FAM107B: variants seen among roughly 807,000 people sequenced by gnomAD.
The protein encoded by FAM107B is family with sequence similarity 107 member B, also known as protein FAM107B.
In FAM107B, 21 loss-of-function variants were observed where a neutral mutation model predicts 31.5. That is an observed-to-expected ratio of 0.67 (90% confidence interval 0.47 to 0.96). The LOEUF is 0.96. FAM107B is among the 40% of genes least tolerant of loss of function. The probability of loss-of-function intolerance (pLI) is 0.00; values close to 1 mark genes in which losing one functional copy is unlikely to be tolerated. For missense variants in FAM107B, 452 were observed against 377.1 expected (o/e 1.20, Z -1.64); for synonymous variants, 157 against 141.5 (o/e 1.11, Z -0.78).
rs562408048 is a variant in FAM107B at position 14,711,398 on chromosome 10, A to G, written c.412-43707T>C. On this transcript the variant is annotated intron_variant, in intron 1 of 4. Coordinates refer to ENST00000181796, the MANE Select transcript of FAM107B (RefSeq NM_031453.4). ...GGACAGGTGTATCATTTTTTATTTC[A>G]TACTGTATTTTTACTGTACCTTTTC... Among the ~76,000 whole-genome samples the G allele has an allele frequency of 7.9e-5, 12 of 152,256 alleles. No individual in the cohort carries two copies. The South Asian group carries it at 2.3e-3, about 29-fold the overall frequency.
intron 2 of FAM107B, among the ~76,000 whole-genome samples, chr10:14,539,959 C>G (rs1413489139): frequency 1.3e-5 from 2 of 152,184 alleles, no homozygotes; most frequent in Non-Finnish European, 2.9e-5. Context: ...TAGGTTCAGC[C>G]AACAGCAGCA....
intron 1 of FAM107B, among the ~76,000 whole-genome samples, chr10:14,692,062 G>T (rs941661366): frequency 1.3e-5 from 2 of 152,102 alleles, no homozygotes; most frequent in Admixed American, 6.5e-5. Flanking sequence ...ACAGTTACAG[G>T]TTTGGAGGCA....
intron 2 of FAM107B, among the ~76,000 whole-genome samples, chr10:14,615,404 A>G (rs998913951): frequency 5.3e-5 from 8 of 152,212 alleles, no homozygotes; most frequent in African/African-American, 1.9e-4. Flanking sequence ...GAGAGAATTA[A>G]TGGATATCTT....
At chr10:14,741,562 A>T (rs911038087) in intron 1 of FAM107B, among the ~76,000 whole-genome samples, 1 of 152,120 alleles carries the variant, frequency 6.6e-6, no homozygotes, top group Non-Finnish European at 1.5e-5. Flanking sequence ...CTGACCCCAG[A>T]TCTGAGCCCC....
intron 1 of FAM107B, among the ~76,000 whole-genome samples, chr10:14,674,905 T>C (rs1221361109): frequency 6.6e-6 from 1 of 152,112 alleles, no homozygotes; most frequent in Non-Finnish European, 1.5e-5. Context: ...TGGCTAATTT[T>C]CATAATTTTT....
chr10:14,739,488 C>T (rs544282979), intron 1 of FAM107B, among the ~76,000 whole-genome samples: 2 of 152,244 alleles, frequency 1.3e-5, no homozygotes, highest in South Asian at 4.1e-4. Context: ...GATAACAGCA[C>T]GTTGGGGAAA....
At chr10:14,668,445 T>G (rs554330370) in intron 1 of FAM107B, among the ~76,000 whole-genome samples, 2 of 152,288 alleles carry the variant, frequency 1.3e-5, no homozygotes, top group South Asian at 4.2e-4. Context: ...TTTCGAAAGT[T>G]CCATCATTAT....
intron 1 of FAM107B, among the ~76,000 whole-genome samples, chr10:14,735,524 A>T (rs1259300212): frequency 1.3e-5 from 2 of 152,198 alleles, no homozygotes; most frequent in Non-Finnish European, 2.9e-5. Flanking sequence ...CTTCGGTTTC[A>T]GGTCCATTTT....
intron 1 of FAM107B, among the ~76,000 whole-genome samples, chr10:14,755,650 C>T (rs932332558): frequency 2.0e-5 from 3 of 152,108 alleles, no homozygotes; most frequent in Non-Finnish European, 4.4e-5. Context: ...ATTCCTTTTT[C>T]ATCCATCCTT....
intron 2 of FAM107B, among the ~76,000 whole-genome samples, chr10:14,608,322 G>A (rs560689877): frequency 1.1e-4 from 16 of 152,272 alleles, no homozygotes; most frequent in Non-Finnish European, 1.5e-4. Flanking sequence ...TTTAAGCCAC[G>A]CTCTCTCATT....
At chr10:14,655,544 C>A (rs544530543) in intron 2 of FAM107B, among the ~76,000 whole-genome samples, 2 of 152,280 alleles carry the variant, frequency 1.3e-5, no homozygotes, top group African/African-American at 4.8e-5. Flanking sequence ...CTCAGCCTCC[C>A]GAGTAGCTGG....
intron 2 of FAM107B, among the ~76,000 whole-genome samples, chr10:14,598,222 C>T (rs1448668265): frequency 3.3e-5 from 5 of 152,130 alleles, no homozygotes; most frequent in African/African-American, 1.2e-4. Flanking sequence ...GTGCTTTTAG[C>T]GTGGCAGCCG....
intron 2 of FAM107B, among the ~76,000 whole-genome samples, chr10:14,562,575 G>A (rs1053939306): frequency 6.6e-6 from 1 of 152,196 alleles, no homozygotes; most frequent in African/African-American, 2.4e-5. Context: ...CAGGAAAACA[G>A]ATGATCATCA....
At chr10:14,543,552 G>A (rs972921993) in intron 2 of FAM107B, among the ~76,000 whole-genome samples, 2 of 151,948 alleles carry the variant, frequency 1.3e-5, no homozygotes, top group African/African-American at 4.8e-5. Flanking sequence ...GGCCACCCTC[G>A]CTCTCAGCTG....
intron 1 of FAM107B, among the ~76,000 whole-genome samples, chr10:14,772,917 A>G (rs1353963106): frequency 1.3e-5 from 2 of 152,202 alleles, no homozygotes; most frequent in Non-Finnish European, 2.9e-5. Flanking sequence ...GTGGGTCTGC[A>G]TTGCTCAACA....
intron 1 of FAM107B, among the ~76,000 whole-genome samples, chr10:14,758,428 G>A (rs970455353): frequency 4.6e-5 from 7 of 152,162 alleles, no homozygotes; most frequent in African/African-American, 1.4e-4. Context: ...TTCTGGCTGC[G>A]TGTTAGAATT....
At chr10:14,762,266 T>C (rs1833063819) in intron 1 of FAM107B, among the ~76,000 whole-genome samples, 1 of 152,152 alleles carries the variant, frequency 6.6e-6, no homozygotes, top group Non-Finnish European at 1.5e-5. Context: ...TTCCTTATTT[T>C]CCTACTTGAA....
At chr10:14,526,468 G>A (rs923972588) in intron 3 of FAM107B, among the ~76,000 whole-genome samples, 8 of 152,184 alleles carry the variant, frequency 5.3e-5, no homozygotes, top group African/African-American at 1.7e-4. Flanking sequence ...GAGCCGCCGC[G>A]CTGGGCCTGA....
chr10:14,734,488 G>GTGTTTTTGTTTTTTTTTTTTTT lies in FAM107B; in HGVS notation c.411+39764_411+39765insAAAAAAAAAAAAAACAAAAACA, dbSNP rs558940939. Among the ~76,000 whole-genome samples, 50 of 138,538 alleles carry GTGTTTTTGTTTTTTTTTTTTTT rather than the reference G, an allele frequency of 3.6e-4. 1 individual carries two copies. Among genetic ancestry groups the GTGTTTTTGTTTTTTTTTTTTTT allele is most frequent in the East Asian group, 1.7e-3 (8 of 4,700 alleles). 90.9% of individuals were successfully genotyped at this position (138,538 alleles called of 152,430 possible). On this transcript the variant is annotated intron_variant, in intron 1 of 4. Coordinates refer to ENST00000181796, the MANE Select transcript of FAM107B (RefSeq NM_031453.4). ...AAACATAATGAAATCTTTTTGTGAG[G>GTGTTTTTGTTTTTTTTTTTTTT]TTTTTTTTTTTTTTTTAGCTCATCA...
Sources: gnomAD v4.1 joint callset for allele counts (sites outside exome capture counted in the v4.1 genomes callset) on GRCh38, gnomAD v4.1.1 for gene constraint, MANE v1.5 for transcripts, NCBI Gene and HGNC (gene_info 2026-07-23, HGNC 2026-07-21) for gene names.